Variants in BRD10 observed in about 807,000 individuals in gnomAD.
BRD10 encodes bromodomain containing 10.
the BRD10 span, among the ~76,000 whole-genome samples, chr9:5,946,773 T>C: frequency 1.3e-5 from 2 of 152,122 alleles, no homozygotes; most frequent in African/African-American, 2.4e-5. Flanking sequence ...AGGGTATATT[T>C]TGCATGCAGT....
chr9:5,968,533 T>G, the BRD10 span: 2 of 1,613,554 alleles, frequency 1.2e-6, no homozygotes, highest in Non-Finnish European at 1.7e-6. Context: ...CATAGTTGGA[T>G]TTTACTCCCA....
At chr9:5,980,133 A>G in the BRD10 span, among the ~76,000 whole-genome samples, 1 of 152,222 alleles carries the variant, frequency 6.6e-6, no homozygotes, top group South Asian at 2.1e-4. Flanking sequence ...TTAGGTCATC[A>G]TTATAAACAG....
At chr9:5,986,628 T>A in the BRD10 span, among the ~76,000 whole-genome samples, 2 of 152,242 alleles carry the variant, frequency 1.3e-5, no homozygotes, top group African/African-American at 4.8e-5. Flanking sequence ...GCTTTAATTT[T>A]ATTTATTCTT....
At chr9:5,987,753 T>TTTTG in the BRD10 span, among the ~76,000 whole-genome samples, 2 of 152,212 alleles carry the variant, frequency 1.3e-5, no homozygotes, top group African/African-American at 4.8e-5. Flanking sequence ...TAACTAGTCT[T>TTTTG]TTTGTTTGTT....
At chr9:5,954,150 C>G in the BRD10 span, 1 of 939,916 alleles carries the variant, frequency 1.1e-6, no homozygotes, top group South Asian at 1.5e-5. Flanking sequence ...ACTTCATTAA[C>G]AAAAAACAAA....
At chr9:5,922,236 A>G in the BRD10 span, 1 of 1,613,968 alleles carries the variant, frequency 6.2e-7, no homozygotes, top group African/African-American at 1.3e-5. Context: ...TGTGCAAAAC[A>G]GTTGAAGGAA....
the BRD10 span, among the ~76,000 whole-genome samples, chr9:5,924,379 G>A: frequency 6.6e-6 from 1 of 151,834 alleles, no homozygotes; most frequent in Non-Finnish European, 1.5e-5. Flanking sequence ...CTGGCCTCAA[G>A]TGATACTCCT....
At chr9:5,926,688 C>T in the BRD10 span, among the ~76,000 whole-genome samples, 1 of 152,032 alleles carries the variant, frequency 6.6e-6, no homozygotes, top group Non-Finnish European at 1.5e-5. Flanking sequence ...CCCGCCACCA[C>T]ACCCGGCTAA....
the BRD10 span, chr9:5,969,509 A>G: frequency 9.4e-7 from 1 of 1,063,912 alleles, no homozygotes; most frequent in Non-Finnish European, 1.3e-6. Flanking sequence ...AAGTATATTT[A>G]TCTTTAGCCA....
At chr9:5,946,602 C>CAAATTT in the BRD10 span, among the ~76,000 whole-genome samples, 1 of 151,966 alleles carries the variant, frequency 6.6e-6, no homozygotes. Context: ...ATTATGATGA[C>CAAATTT]GGTGTCAAAT....
chr9:5,880,143 T>C, the BRD10 span, among the ~76,000 whole-genome samples: 1 of 150,314 alleles, frequency 6.7e-6, no homozygotes, highest in Non-Finnish European at 1.5e-5. Flanking sequence ...CTGGTCTCAC[T>C]CCTGACCTCA....
the BRD10 span, among the ~76,000 whole-genome samples, chr9:5,881,082 A>C: frequency 6.6e-6 from 1 of 152,124 alleles, no homozygotes; most frequent in African/African-American, 2.4e-5. Context: ...GTTCTGTCAA[A>C]GGGTTGGTTT....
At chr9:5,944,127 T>TA in the BRD10 span, among the ~76,000 whole-genome samples, 8 of 151,808 alleles carry the variant, frequency 5.3e-5, no homozygotes, top group African/African-American at 1.5e-4. Context: ...ACGAAAGGTT[T>TA]AAAAAAAACG....
At chr9:5,897,451 C>A in the BRD10 span, 2 of 1,015,368 alleles carry the variant, frequency 2.0e-6, no homozygotes, top group Non-Finnish European at 3.1e-6. Context: ...GGAGATGCTG[C>A]TCTGGGTCGT....
the BRD10 span, among the ~76,000 whole-genome samples, chr9:5,991,801 T>A: frequency 3.3e-5 from 5 of 150,080 alleles, no homozygotes; most frequent in African/African-American, 1.2e-4. Context: ...TCAGTTAGAA[T>A]AACCTAAAGT....
chr9:5,969,144 T>C, the BRD10 span: 4 of 1,613,806 alleles, frequency 2.5e-6, no homozygotes, highest in Middle Eastern at 1.6e-4. Context: ...TAAGGCAAAG[T>C]AGGTCTTCGA....
At chr9:5,913,009 G>A in the BRD10 span, among the ~76,000 whole-genome samples, 1 of 152,172 alleles carries the variant, frequency 6.6e-6, no homozygotes, top group Admixed American at 6.5e-5. Flanking sequence ...CCTCAGTGGT[G>A]GTGACTGATG....
At chr9:5,934,329 G>T in the BRD10 span, among the ~76,000 whole-genome samples, 1 of 150,682 alleles carries the variant, frequency 6.6e-6, no homozygotes, top group Non-Finnish European at 1.5e-5. Context: ...TGGTAGAGAA[G>T]GTATTAAATA....
chr9:5,892,991 CAG>C, the BRD10 span, among the ~76,000 whole-genome samples: 1 of 152,124 alleles, frequency 6.6e-6, no homozygotes, highest in Non-Finnish European at 1.5e-5. Context: ...AGCCCACAGC[CAG>C]ACTCGAGAGG....
Sources: allele counts gnomAD v4.1 joint callset (sites outside exome capture counted in the v4.1 genomes callset), GRCh38; gene constraint gnomAD v4.1.1; transcripts MANE v1.5; gene names NCBI Gene and HGNC (gene_info 2026-07-23, HGNC 2026-07-21).